PLEKHG7: variants seen among roughly 807,000 people sequenced by gnomAD.
PLEKHG7 encodes the protein pleckstrin homology domain-containing family G member 7.
A neutral mutation model predicts 85.2 loss-of-function variants in PLEKHG7; 77 were observed. That is an observed-to-expected ratio of 0.90 (90% CI 0.75 to 1.09). The LOEUF (loss-of-function observed/expected upper bound fraction) is 1.09. PLEKHG7 is among the 50% of genes least tolerant of loss of function. The pLI is 0.00. For missense variants in PLEKHG7, 777 were observed against 804.3 expected (o/e 0.97, Z 0.41); for synonymous variants, 301 against 302.4 (o/e 1.00, Z 0.05).
chr12:92,734,571 T>C (rs898877007), intron 5 of PLEKHG7, among the ~76,000 whole-genome samples: 2 of 152,216 alleles, frequency 1.3e-5, no homozygotes, highest in Admixed American at 1.3e-4. Flanking sequence ...CTATGGAGCA[T>C]GCAGCAGTTC....
chr12:92,708,361 C>T (rs985702396), intron 3 of PLEKHG7: 8 of 152,354 alleles, frequency 5.3e-5, no homozygotes, highest in African/African-American at 1.9e-4. Context: ...CCTCAATCCT[C>T]AAGCAATAGT....
At chr12:92,740,803 T>C (rs1292106600) in intron 7 of PLEKHG7, 50 bp from the exon 8 acceptor site, 1 of 1,311,050 alleles carries the variant, frequency 7.6e-7, no homozygotes, top group Non-Finnish European at 1.1e-6. Context: ...AAAGGCATGT[T>C]GCAAAATTAA....
chr12:92,733,228 G>A (rs1294880231), intron 5 of PLEKHG7, among the ~76,000 whole-genome samples: 1 of 152,062 alleles, frequency 6.6e-6, no homozygotes, highest in African/African-American at 2.4e-5. Flanking sequence ...CCTATAAAAG[G>A]CAGAAGACCA....
chr12:92,710,057 G>A (rs958532655), intron 3 of PLEKHG7, among the ~76,000 whole-genome samples: 5 of 152,228 alleles, frequency 3.3e-5, no homozygotes, highest in African/African-American at 1.2e-4. Flanking sequence ...CTGGAACTAA[G>A]ACCTCTAGGC....
intron 3 of PLEKHG7, chr12:92,707,944 T>C (rs547988274): frequency 8.0e-6 from 4 of 498,592 alleles, no homozygotes; most frequent in Admixed American, 3.5e-5. Flanking sequence ...TGTGGCTTAA[T>C]TAACATCCAC....
chr12:92,750,158 C>A (rs1872653009), intron 10 of PLEKHG7, among the ~76,000 whole-genome samples: 1 of 151,560 alleles, frequency 6.6e-6, no homozygotes. Flanking sequence ...CATCTGGGGC[C>A]CTTGAATCCT....
intron 16 of PLEKHG7, 27 bp downstream of exon 16, chr12:92,769,107 T>C (rs773793004): frequency 6.8e-7 from 1 of 1,474,672 alleles, no homozygotes; most frequent in Non-Finnish European, 9.4e-7. Context: ...TGTAGGTCTT[T>C]GATTCTTCAG....
chr12:92,761,664 AAGAAAGAAAGAAAGAAAG>A, intron 13 of PLEKHG7, 70 bp from the exon 14 acceptor site: 1 of 1,338,450 alleles, frequency 7.5e-7, no homozygotes, highest in South Asian at 1.8e-5. Flanking sequence ...GAAAGAAAGA[AAGAAAGAAAGAAAGAAAG>A]AAAGGGAAAG....
chr12:92,708,528 T>C (rs1871305135), intron 3 of PLEKHG7: 1 of 152,202 alleles, frequency 6.6e-6, no homozygotes, highest in Non-Finnish European at 1.5e-5. Flanking sequence ...TGTTGCTAGA[T>C]AAAAAACCAC....
At position 92,754,120 on chromosome 12, in the gene PLEKHG7, C is replaced by T. The variant is rs1872761015; in HGVS notation, c.1282C>T (p.Leu428Phe). The T allele has an allele frequency of 1.2e-6, 2 of 1,613,826 alleles. No individual in the cohort carries two copies. Among genetic ancestry groups the T allele is most frequent in the Non-Finnish European group, 1.7e-6 (2 of 1,179,904 alleles). Reference protein sequence around the residue: ...WCEQNEQCRRLHVPELLVAPL... With the variant: ...WCEQNEQCRRFHVPELLVAPL... ...TGAGCAGAATGAACAATGCAGACGG[C>T]TCCACGTGCCAGAGCTGCTAGTGGC... Residue 428 changes from leucine to phenylalanine, a missense_variant, in exon 11 of 17, where the codon CTC (leucine) becomes TTC (phenylalanine). Physicochemically the swap from Leu to Phe is conservative, Grantham distance 22. Coordinates refer to ENST00000344636, the MANE Select transcript of PLEKHG7 (RefSeq NM_001377329.1).
intron 1 of PLEKHG7, 23 bp from the exon 2 acceptor site, chr12:92,706,448 C>A: frequency 1.6e-6 from 1 of 644,082 alleles, no homozygotes; most frequent in Non-Finnish European, 2.5e-6. Context: ...ACATATTTCA[C>A]AGTCTGCTCT....
intron 4 of PLEKHG7, among the ~76,000 whole-genome samples, chr12:92,731,901 T>G (rs1444642951): frequency 6.6e-6 from 1 of 152,196 alleles, no homozygotes; most frequent in Non-Finnish European, 1.5e-5. Context: ...CTCCCTGTCT[T>G]AAATAAATTA....
chr12:92,726,452 T>C (rs758843233), intron 3 of PLEKHG7, among the ~76,000 whole-genome samples: 3 of 152,206 alleles, frequency 2.0e-5, no homozygotes, highest in Non-Finnish European at 2.9e-5. Context: ...CTAACTATTA[T>C]TTGTTGGTGA....
intron 3 of PLEKHG7, among the ~76,000 whole-genome samples, chr12:92,726,686 C>T (rs554732207): frequency 6.6e-6 from 1 of 152,264 alleles, no homozygotes; most frequent in African/African-American, 2.4e-5. Context: ...CTGTTCCCTA[C>T]TGTGTCTGTG....
intron 15 of PLEKHG7, among the ~76,000 whole-genome samples, chr12:92,767,934 G>A (rs560807299): frequency 2.0e-5 from 3 of 152,230 alleles, no homozygotes; most frequent in East Asian, 1.9e-4. Flanking sequence ...GGGCGGGCGC[G>A]GTGGCTCATG....
intron 3 of PLEKHG7, among the ~76,000 whole-genome samples, chr12:92,728,577 T>G (rs977564113): frequency 6.9e-6 from 1 of 144,526 alleles, no homozygotes; most frequent in African/African-American, 2.9e-5. Context: ...TGTGTGTATG[T>G]GTACACATAC....
chr12:92,754,070 G>C lies in PLEKHG7; in HGVS notation c.1252-20G>C. ...TGGGAGAGGTGATCATTCTGATATGGCTGCTTTTGCCTTCCCCAGTGGTGT... is the reference window on the plus strand; with the variant it reads ...TGGGAGAGGTGATCATTCTGATATGCCTGCTTTTGCCTTCCCCAGTGGTGT... On this transcript the variant is annotated intron_variant, in intron 10 of 16. Transcript: ENST00000344636. The C allele has an allele frequency of 6.2e-7, 1 of 1,608,186 alleles. No homozygotes were observed. Among genetic ancestry groups the C allele is most frequent in the Admixed American group, 1.7e-5 (1 of 59,906 alleles).
Position 92,707,077 on chromosome 12 carries a change from C to G in PLEKHG7, c.446C>G (p.Ser149Cys). Reference sequence around the variant, plus strand: ...AATGAAGGGTCCCTTCACCAGGCCTCTCTTCGGCAGCAAGAAGGCCACTTC... The same window carrying G: ...AATGAAGGGTCCCTTCACCAGGCCTGTCTTCGGCAGCAAGAAGGCCACTTC... ...PVNEGSLHQA[S>C]LRQQEGHFLP... is the part of the protein sequence containing the mutation. Residue 149 changes from serine (S) to cysteine (C), a missense_variant, in exon 2 of 17, where the codon TCT (serine) becomes TGT (cysteine). Ser to Cys is a moderately radical substitution (Grantham distance 112, BLOSUM62 -1). Coordinates refer to ENST00000344636, the MANE Select transcript of PLEKHG7 (RefSeq NM_001377329.1). 6.2e-7 allele frequency: 1 copy of G among 1,614,166 alleles called. No homozygotes were observed. Among genetic ancestry groups the G allele is most frequent in the Non-Finnish European group, 8.5e-7 (1 of 1,180,034 alleles).
intron 11 of PLEKHG7, 54 bp downstream of exon 11, chr12:92,754,318 T>G (rs1872768876): frequency 6.5e-7 from 1 of 1,550,362 alleles, no homozygotes; most frequent in Non-Finnish European, 8.9e-7. Context: ...TTGTGACTCC[T>G]GGAAACCTTC....
Sources: gnomAD v4.1 joint callset for allele counts (sites outside exome capture counted in the v4.1 genomes callset) on GRCh38, gnomAD v4.1.1 for gene constraint, MANE v1.5 for transcripts, NCBI Gene and HGNC (gene_info 2026-07-23, HGNC 2026-07-21) for gene names.